The following MRPL3 variants were observed in gnomAD, a reference collection of about 807,000 sequenced individuals.
The protein encoded by MRPL3 is mitochondrial ribosomal protein L3.
A neutral mutation model predicts 44.3 loss-of-function variants in MRPL3; 43 were observed. That is an observed-to-expected ratio of 0.97 (90% confidence interval 0.76 to 1.25). The LOEUF is 1.25. MRPL3 is among the 50% of genes most tolerant of loss of function. The probability of loss-of-function intolerance (pLI) is 0.00; values close to 1 mark genes in which losing one functional copy is unlikely to be tolerated. For synonymous variants in MRPL3, 171 were observed against 152.3 expected, an observed-to-expected ratio of 1.12 and a Z score of -0.91; for missense variants, 406 against 427.6, an observed-to-expected ratio of 0.95 and a Z score of 0.45.
chr3:131,501,015 G>GA (rs1934486654), intron 2 of MRPL3, among the ~76,000 whole-genome samples: 1 of 152,150 alleles, frequency 6.6e-6, no homozygotes, highest in African/African-American at 2.4e-5. Context: ...AAGAAGTTTT[G>GA]GTAACTATCC....
At chr3:131,471,443 TC>T in intron 6 of MRPL3, 164 bp from the exon 7 acceptor site, 1 of 585,262 alleles carries the variant, frequency 1.7e-6, no homozygotes, top group Non-Finnish European at 3.0e-6. Context: ...AAATAAATAT[TC>T]CTTTATCTCT....
intron 6 of MRPL3, among the ~76,000 whole-genome samples, chr3:131,478,708 A>T (rs1243126615): frequency 5.9e-5 from 8 of 135,782 alleles, no homozygotes; most frequent in East Asian, 2.1e-4. Context: ...GAAATATTCG[A>T]TTTTTTTTTT....
At chr3:131,501,868 TC>T in intron 1 of MRPL3, 153 bp from the exon 2 acceptor site, 1 of 1,545,310 alleles carries the variant, frequency 6.5e-7, no homozygotes, top group Non-Finnish European at 8.7e-7. Context: ...TCCAACCTTT[TC>T]CTCACTCCCC....
chr3:131,482,098 C>G (rs561344483), intron 6 of MRPL3, among the ~76,000 whole-genome samples: 1 of 152,308 alleles, frequency 6.6e-6, no homozygotes, highest in South Asian at 2.1e-4. Context: ...ACATCTTTGA[C>G]TTTGGTAGGC....
intron 4 of MRPL3, chr3:131,497,868 C>A (rs1222458900): frequency 4.0e-6 from 1 of 252,748 alleles, no homozygotes; most frequent in Non-Finnish European, 7.5e-6. Flanking sequence ...ATCTGAAAAA[C>A]CTAATTTAAT....
chr3:131,500,331 C>T lies in MRPL3; in HGVS notation c.369+99G>A, dbSNP rs140918193. ...CAACATCACCCCTTTCTTCACCATA[C>T]AGTTCCATGTTTCAGGACACAAATA... On this transcript the variant is annotated intron_variant, in intron 3 of 9. Coordinates refer to ENST00000264995, the MANE Select transcript of MRPL3 (RefSeq NM_007208.4). 541 of 921,960 alleles carry T rather than the reference C, an allele frequency of 5.9e-4. 4 individuals are homozygous for T. In the African/African-American group the frequency reaches 7.7e-3, roughly 13 times the overall value. The allele number at this position is 921,960 out of a possible 1,614,324, so 57.1% of individuals were successfully genotyped here.
At chr3:131,474,699 T>A (rs1281661433) in intron 6 of MRPL3, among the ~76,000 whole-genome samples, 1 of 151,928 alleles carries the variant, frequency 6.6e-6, no homozygotes, top group Non-Finnish European at 1.5e-5. Context: ...TTGTCTTTGA[T>A]TATATCAGTA....
intron 1 of MRPL3, 199 bp from the exon 2 acceptor site, chr3:131,501,914 T>C (rs1345160870): frequency 2.6e-6 from 4 of 1,535,968 alleles, no homozygotes; most frequent in Admixed American, 2.0e-5. Context: ...TTTAAACTGT[T>C]AGTCGTTACC....
At chr3:131,463,075 C>A (rs1933526993) in intron 9 of MRPL3, among the ~76,000 whole-genome samples, 200 bp from the exon 10 acceptor site, 2 of 152,124 alleles carry the variant, frequency 1.3e-5, no homozygotes, top group African/African-American at 4.8e-5. Context: ...GTAACAGAAA[C>A]TCAAGAAGCT....
intron 6 of MRPL3, among the ~76,000 whole-genome samples, chr3:131,484,909 A>G (rs989048128): frequency 6.6e-6 from 1 of 152,204 alleles, no homozygotes; most frequent in African/African-American, 2.4e-5. Flanking sequence ...GCACACACAC[A>G]TGCGAGGAAA....
At chr3:131,486,320 A>G (rs1030446120) in intron 6 of MRPL3, among the ~76,000 whole-genome samples, 1 of 150,306 alleles carries the variant, frequency 6.7e-6, no homozygotes, top group African/African-American at 2.5e-5. Context: ...CAAAAGCCAA[A>G]ATTGACAAAT....
chr3:131,502,422 G>A (rs1210905162), intron 1 of MRPL3, among the ~76,000 whole-genome samples: 2 of 152,144 alleles, frequency 1.3e-5, no homozygotes, highest in Non-Finnish European at 2.9e-5. Flanking sequence ...GTTTGCTCCC[G>A]TGAGGCTACA....
intron 7 of MRPL3, 123 bp downstream of exon 7, chr3:131,471,048 A>T: frequency 1.5e-6 from 1 of 659,164 alleles, no homozygotes; most frequent in Non-Finnish European, 2.7e-6. Flanking sequence ...AAGGGTGACA[A>T]GTACATGGAG....
At position 131,469,319 on chromosome 3, in the gene MRPL3, C is replaced by T. The variant is rs185141942; in HGVS notation, c.816+377G>A. ...CTTCTGTGATTATATGATGGCACAG[C>T]AACATACACACGTAGAGAGCTTTTG... On this transcript the variant is annotated intron_variant, in intron 8 of 9. Transcript: ENST00000264995. Among the ~76,000 whole-genome samples the T allele has an allele frequency of 5.2e-4, 79 of 151,400 alleles. 1 individual carries two copies. The highest frequency in any genetic ancestry group is 1.6e-3 in the African/African-American group (68 of 41,232).
chr3:131,462,307 T>C lies in MRPL3; in HGVS notation c.*416A>G, dbSNP rs1228677586. 1 of 154,456 alleles carries C rather than the reference T, an allele frequency of 6.5e-6. No homozygotes were observed. The highest frequency in any genetic ancestry group is 1.4e-5 in the Non-Finnish European group (1 of 69,338). 9.6% of individuals were successfully genotyped at this position (154,456 alleles called of 1,614,324 possible). A position where few individuals can be genotyped will look rare whatever the true frequency, so the allele number is the denominator to read the frequency against. ...TATTTACTTTCTCCATTTTAGCAAA[T>C]GGTTTCTTTACCCAAATAGGTTGCA... On this transcript the variant is annotated 3_prime_UTR_variant, in exon 10 of 10. Transcript: ENST00000264995.
intron 4 of MRPL3, among the ~76,000 whole-genome samples, chr3:131,490,305 T>C (rs762822399): frequency 1.8e-4 from 27 of 152,160 alleles, no homozygotes; most frequent in Non-Finnish European, 8.8e-5. Flanking sequence ...TCCAATCATG[T>C]ACATAGTGTT....
chr3:131,494,543 CT>C (rs1934324919), intron 4 of MRPL3, among the ~76,000 whole-genome samples: 1 of 152,114 alleles, frequency 6.6e-6, no homozygotes. Context: ...TATCTGGAAG[CT>C]TCTGAGGAAA....
rs184758046 is a variant in MRPL3, at chr3:131,468,166, C to A, written c.819G>T (p.Val273=). The change falls in exon 9 of 10, where the codon GTG becomes GTT. Residue 273 remains valine, a splice_region_variant and synonymous_variant. Coordinates refer to ENST00000264995, the MANE Select transcript of MRPL3 (RefSeq NM_007208.4). ...NIYRTEYGLK[V]WRINTKHNII... ...TGTTGTGCTTTGTGTTTATTCTCCA[C>A]ACCTAAAGCATGAAATAAAACCAAA... The A allele has an allele frequency of 2.7e-5, 43 of 1,574,824 alleles. No individual in the cohort carries two copies. In the Admixed American group the frequency reaches 7.9e-4, roughly 29 times the overall value.
At chr3:131,467,819 T>A (rs1333026879) in intron 9 of MRPL3, among the ~76,000 whole-genome samples, 1 of 152,120 alleles carries the variant, frequency 6.6e-6, no homozygotes, top group African/African-American at 2.4e-5. Context: ...TACACAGCCT[T>A]ACCCTTTTTA....
Sources: gnomAD v4.1 joint callset for allele counts (sites outside exome capture counted in the v4.1 genomes callset) on GRCh38, gnomAD v4.1.1 for gene constraint, MANE v1.5 for transcripts, NCBI Gene and HGNC (gene_info 2026-07-23, HGNC 2026-07-21) for gene names.